The following FBXO27 variants were observed in gnomAD, a reference collection of about 807,000 sequenced individuals.
FBXO27 encodes F-box only protein 27.
In FBXO27, 28 loss-of-function variants were observed where a neutral mutation model predicts 28.3. The ratio of observed to expected loss-of-function variants is 0.99; its 90% CI spans 0.73 to 1.36. FBXO27 has a LOEUF of 1.36. Ranked by LOEUF, FBXO27 falls within the 40% of genes most tolerant of loss-of-function variation. FBXO27 has a pLI of 0.00. For synonymous variants in FBXO27, 175 were observed against 167.3 expected (o/e 1.05, Z -0.36); for missense variants, 388 against 394.1 (o/e 0.98, Z 0.13).
chr19:39,028,391 A>G (rs764627984), intron 4 of FBXO27, among the ~76,000 whole-genome samples: 2 of 152,184 alleles, frequency 1.3e-5, no homozygotes, highest in Non-Finnish European at 2.9e-5. Flanking sequence ...AATAGTACCC[A>G]CTGATCAAAA....
Position 39,018,806 on chromosome 19 carries a change from C to T in FBXO27, c.92-4259G>A, listed in dbSNP as rs1490585382. ...ATGCAAAGCCAGGTGTGATGGCTCA[C>T]GCCTGGAATCCCAGCACTTTGGGAG... On this transcript the variant is annotated intron_variant, in intron 1 of 2. Transcript: ENST00000598394. Among the ~76,000 whole-genome samples the T allele has an allele frequency of 6.6e-5, 10 of 152,108 alleles. 1 individual carries two copies. Among genetic ancestry groups the T allele is most frequent in the Admixed American group, 4.6e-4 (7 of 15,262 alleles).
chr19:39,016,386 C>T (rs1188165275), intron 1 of FBXO27, among the ~76,000 whole-genome samples: 2 of 151,262 alleles, frequency 1.3e-5, no homozygotes, highest in African/African-American at 2.4e-5. Context: ...GCGTGAGGGG[C>T]TGGGGGAAAC....
At chr19:39,019,343 T>C (rs2072834068), downstream of FBXO27, among the ~76,000 whole-genome samples, 1 of 139,082 alleles carries the variant, frequency 7.2e-6, no homozygotes, top group South Asian at 2.3e-4. Flanking sequence ...GAGAATGGCG[T>C]GAACCCAGGA....
At position 39,024,992 on chromosome 19, in the gene FBXO27, AG is replaced by A. The variant is rs1458221781; in HGVS notation, c.*418del. The A allele has an allele frequency of 6.0e-6, 1 of 166,932 alleles. No individual in the cohort carries two copies. Among genetic ancestry groups the A allele is most frequent in the Non-Finnish European group, 1.3e-5 (1 of 76,612 alleles). The allele number at this position is 166,932 out of a possible 1,614,324, so 10.3% of individuals were successfully genotyped here. A position where few individuals can be genotyped will look rare whatever the true frequency, so the allele number is the denominator to read the frequency against. On this transcript the variant is annotated 3_prime_UTR_variant, in exon 6 of 6. Coordinates refer to ENST00000292853, the MANE Select transcript of FBXO27 (RefSeq NM_178820.5). ...GTTGAGGGCTTCCCTGAAGGGACCA[AG>A]GAAGTCCCTGTGGCAGAAACAACAG...
At position 39,025,190 on chromosome 19, in the gene FBXO27, C is replaced by G. The variant is rs946584789; in HGVS notation, c.*221G>C. 3 of 578,442 alleles carry G rather than the reference C, an allele frequency of 5.2e-6. No homozygotes were observed. The highest frequency in any genetic ancestry group is 2.6e-5 in the South Asian group (1 of 38,258). The allele number at this position is 578,442 out of a possible 1,614,324, so 35.8% of individuals were successfully genotyped here. A position where few individuals can be genotyped will look rare whatever the true frequency, so the allele number is the denominator to read the frequency against. On this transcript the variant is annotated 3_prime_UTR_variant, in exon 6 of 6. Coordinates refer to ENST00000292853, the MANE Select transcript of FBXO27 (RefSeq NM_178820.5). ...TCCCCTCAGTACAGTAGGGCCCCCC[C>G]GCAAAGCAGCAGCTGCAGTAGGTAG... is the stretch of plus-strand genomic sequence containing the variant.
chr19:39,009,741 G>C (rs2072785813), intron 2 of FBXO27, among the ~76,000 whole-genome samples: 1 of 151,966 alleles, frequency 6.6e-6, no homozygotes, highest in African/African-American at 2.4e-5. Context: ...CCCAGTCTGT[G>C]GGTTGTCTTT....
At chr19:39,030,866 C>T (rs188767333) in intron 4 of FBXO27, 163 bp downstream of exon 4, 20 of 687,716 alleles carry the variant, frequency 2.9e-5, no homozygotes, top group Middle Eastern at 7.6e-4. Flanking sequence ...CCTCGACCCC[C>T]CAAAGTGCTG....
downstream of FBXO27, among the ~76,000 whole-genome samples, chr19:39,020,494 T>C (rs2072840123): frequency 6.6e-6 from 1 of 151,818 alleles, no homozygotes; most frequent in Non-Finnish European, 1.5e-5. Context: ...CAGGGGGTCA[T>C]AAGGACCTTT....
chr19:39,019,514 T>G (rs1382615409), downstream of FBXO27, among the ~76,000 whole-genome samples: 5 of 139,282 alleles, frequency 3.6e-5, no homozygotes, highest in African/African-American at 1.4e-4. Context: ...TAGAAAAGTG[T>G]AGCCATTATA....
At chr19:39,007,407 G>A (rs940881978) in intron 2 of FBXO27, among the ~76,000 whole-genome samples, 1 of 152,170 alleles carries the variant, frequency 6.6e-6, no homozygotes, top group African/African-American at 2.4e-5. Flanking sequence ...ACCCCAGGTG[G>A]CAGGTGAGCA....
chr19:39,028,591 G>A (rs1009880362), intron 4 of FBXO27, among the ~76,000 whole-genome samples: 1 of 151,798 alleles, frequency 6.6e-6, no homozygotes, highest in Admixed American at 6.6e-5. Flanking sequence ...GGCTGGGCAT[G>A]GTGGCTCACA....
chr19:39,025,530 T>C lies in FBXO27; in HGVS notation c.733A>G (p.Lys245Glu), dbSNP rs768023711. Reference sequence around the variant, plus strand: ...AAAGACACAAAGCGGACGCCCATCTTGATGTTGGAGAACACGTGGGTGACC... The same window carrying C: ...AAAGACACAAAGCGGACGCCCATCTCGATGTTGGAGAACACGTGGGTGACC... ...LHVTHVFSNI[K>E]MGVRFVSFEH... The change falls in exon 6 of 6, where the codon AAG (lysine) becomes GAG (glutamate). Residue 245 changes from lysine (K) to glutamate (E), a missense_variant. By Grantham distance (56) the Lys-to-Glu change is moderately conservative (BLOSUM62 1). Transcript: ENST00000292853. 1 of 1,614,036 alleles carries C rather than the reference T, an allele frequency of 6.2e-7. No homozygotes were observed. Among genetic ancestry groups the C allele is most frequent in the Admixed American group, 1.7e-5 (1 of 59,984 alleles).
At chr19:39,018,351 G>C (rs1600224600) in intron 1 of FBXO27, among the ~76,000 whole-genome samples, 1 of 152,166 alleles carries the variant, frequency 6.6e-6, no homozygotes, top group Non-Finnish European at 1.5e-5. Flanking sequence ...TGTTGTTATT[G>C]CAGTGAGCTG....
At chr19:39,023,758 C>T (rs559566079), downstream of FBXO27, among the ~76,000 whole-genome samples, 5 of 152,138 alleles carry the variant, frequency 3.3e-5, no homozygotes, top group Admixed American at 6.5e-5. Context: ...GGATTACAGG[C>T]GCGTGCCACC....
chr19:39,007,480 C>T (rs1035469822), intron 2 of FBXO27, among the ~76,000 whole-genome samples: 2 of 151,980 alleles, frequency 1.3e-5, no homozygotes, highest in African/African-American at 4.8e-5. Flanking sequence ...AGTCCAGCAG[C>T]TTGGAAAGGC....
At chr19:39,031,181 C>T (rs998322265) in intron 3 of FBXO27, 28 bp downstream of exon 3, 2 of 1,613,394 alleles carry the variant, frequency 1.2e-6, no homozygotes, top group Non-Finnish European at 8.5e-7. Flanking sequence ...AACAAGGGGC[C>T]GGACCTTTGG....
Position 39,031,230 on chromosome 19 carries a change from G to A in FBXO27, c.455C>T (p.Thr152Met), listed in dbSNP as rs1430710553. 7.4e-6 allele frequency: 12 copies of A among 1,614,032 alleles called. No individual in the cohort carries two copies. The highest frequency in any genetic ancestry group is 2.2e-5 in the East Asian group (1 of 44,894). ...RTTVPGAPSQ[T>M]CFVTSFSWCC... ...TCACCTGAATGAAGTCACGAAGCACGTCTGAGAAGGGGCCCCAGGCACGGT... is the reference window on the plus strand; with the variant it reads ...TCACCTGAATGAAGTCACGAAGCACATCTGAGAAGGGGCCCCAGGCACGGT... The change falls in exon 3 of 6, where the codon ACG (threonine) becomes ATG (methionine). Residue 152 changes from threonine (T) to methionine (M), a missense_variant. Transcript: ENST00000292853.
chr19:39,013,250 A>G (rs2072804301), intron 2 of FBXO27, among the ~76,000 whole-genome samples: 1 of 152,148 alleles, frequency 6.6e-6, no homozygotes, highest in South Asian at 2.1e-4. Context: ...CAAGTGTCCA[A>G]CCTGTCAGAA....
intron 2 of FBXO27, among the ~76,000 whole-genome samples, chr19:39,009,575 C>T (rs1023481484): frequency 2.6e-5 from 4 of 152,188 alleles, no homozygotes; most frequent in East Asian, 3.9e-4. Flanking sequence ...ATGTACTTAC[C>T]GAACACTGGT....
Sources: allele counts gnomAD v4.1 joint callset (sites outside exome capture counted in the v4.1 genomes callset), GRCh38; gene constraint gnomAD v4.1.1; transcripts MANE v1.5; gene names NCBI Gene and HGNC (gene_info 2026-07-23, HGNC 2026-07-21).